Variants in DAZAP1 observed in about 807,000 individuals in gnomAD.
The protein encoded by DAZAP1 is DAZ associated protein 1.
In DAZAP1, 6 loss-of-function variants were observed where a neutral mutation model predicts 60.1. The ratio of observed to expected loss-of-function variants is 0.10; its 90% CI spans 0.05 to 0.20. DAZAP1 has a LOEUF of 0.20. DAZAP1 is among the 10% of genes least tolerant of loss of function. The pLI is 1.00. For synonymous variants in DAZAP1, 235 were observed against 215.9 expected (o/e 1.09, Z -0.78); for missense variants, 366 against 560.4 (o/e 0.65, Z 3.50).
Position 1,426,830 on chromosome 19 carries a change from C to G in DAZAP1, c.546+870C>G, listed in dbSNP as rs546115848. ...GCCGCCTCACATGCCCAGTGGGATT[C>G]TGACCCGGCCTCCTTGGTGCGGCAG... is the stretch of plus-strand genomic sequence containing the variant. On this transcript the variant is annotated intron_variant, in intron 7 of 11. Transcript: ENST00000233078. The surrounding 1 kb of genome is among the most constrained non-coding windows in gnomAD (Gnocchi z 5.4). 6.6e-6 allele frequency: 1 copy of G among 152,308 alleles called. No homozygotes were observed. The highest frequency in any genetic ancestry group is 1.9e-4 in the East Asian group (1 of 5,182). The allele number at this position is 152,308 out of a possible 1,614,324, so 9.4% of individuals were successfully genotyped here.
chr19:1,415,394 GTTTT>G (rs3837987), intron 1 of DAZAP1, among the ~76,000 whole-genome samples: 26 of 69,820 alleles, frequency 3.7e-4, no homozygotes, highest in African/African-American at 1.2e-3. Context: ...TGTGTGTTTT[GTTTT>G]TTTTTTTTTT....
chr19:1,430,270 C>CCCCCTGA lies in DAZAP1; in HGVS notation c.779_780insCCCCTGA (p.Phe262Ter). On this transcript the variant is annotated stop_gained and frameshift_variant, in exon 10 of 12. Coordinates refer to ENST00000233078, the MANE Select transcript of DAZAP1 (RefSeq NM_018959.4). LOFTEE classifies it high-confidence loss of function. The stretch of plus-strand genomic sequence containing the variant: ...GGAAGAGGAGCCCCCCCGCCACCCC[C>CCCCCTGA]ACCGTTCACCTCCTACATCGTGTCC... 7.3e-7 allele frequency: 1 copy of CCCCCTGA among 1,368,636 alleles called. No homozygotes were observed. The highest frequency in any genetic ancestry group is 1.0e-6 in the Non-Finnish European group (1 of 979,194). 84.8% of individuals were successfully genotyped at this position (1,368,636 alleles called of 1,614,324 possible). A position where few individuals can be genotyped will look rare whatever the true frequency, so the allele number is the denominator to read the frequency against.
At chr19:1,429,550 G>A (rs1045151166) in intron 8 of DAZAP1, among the ~76,000 whole-genome samples, 6 of 152,364 alleles carry the variant, frequency 3.9e-5, no homozygotes, top group South Asian at 4.1e-4. Flanking sequence ...CGTCGTCCGG[G>A]TCCCGAGACT....
intron 1 of DAZAP1, among the ~76,000 whole-genome samples, chr19:1,415,006 G>T (rs2082935199): frequency 6.6e-6 from 1 of 151,838 alleles, no homozygotes; most frequent in Non-Finnish European, 1.5e-5. Context: ...GCCCAGGCTG[G>T]TCTTGAACTC....
At chr19:1,414,289 A>G (rs931146973) in intron 1 of DAZAP1, among the ~76,000 whole-genome samples, 7 of 151,852 alleles carry the variant, frequency 4.6e-5, no homozygotes, top group Non-Finnish European at 7.4e-5. Context: ...AAGTGCTGGG[A>G]TTACAGGCGT....
At chr19:1,431,369 T>C (rs1306365535) in intron 10 of DAZAP1, among the ~76,000 whole-genome samples, 1 of 151,708 alleles carries the variant, frequency 6.6e-6, no homozygotes, top group Non-Finnish European at 1.5e-5. Flanking sequence ...GACCTCGTGA[T>C]TCGCCCGCCT....
In DAZAP1 at chr19:1,428,794, G is replaced by C. The variant is rs2083367168; in HGVS notation, c.547-48G>C. The C allele has an allele frequency of 6.2e-7, 1 of 1,609,812 alleles. No individual in the cohort carries two copies. Among genetic ancestry groups the C allele is most frequent in the African/African-American group, 1.3e-5 (1 of 74,822 alleles). On this transcript the variant is annotated intron_variant, in intron 7 of 11. Transcript: ENST00000233078. This position sits in a 1 kb window ranked among gnomAD's most constrained non-coding sequence, Gnocchi z 4.0. ...CGAGGGTGTGTCTAAAGGGAAGGGGGTGCTGGGACCCGCAGCCTCGCCCTA... is the reference window on the plus strand; with the variant it reads ...CGAGGGTGTGTCTAAAGGGAAGGGGCTGCTGGGACCCGCAGCCTCGCCCTA...
At chr19:1,430,465 C>A in intron 10 of DAZAP1, 103 bp downstream of exon 10, 1 of 1,136,984 alleles carries the variant, frequency 8.8e-7, no homozygotes, top group Non-Finnish European at 1.2e-6. Context: ...TGGCCTCAGC[C>A]ACAGGTGGGG....
intron 10 of DAZAP1, 135 bp downstream of exon 10, chr19:1,430,497 C>T: frequency 3.8e-6 from 3 of 782,462 alleles, no homozygotes; most frequent in Non-Finnish European, 5.7e-6. Context: ...CAGCAGGTCA[C>T]CTGCCACCAG....
At chr19:1,414,823 A>AT (rs567320989) in intron 1 of DAZAP1, among the ~76,000 whole-genome samples, 278 of 148,832 alleles carry the variant, frequency 1.9e-3, no homozygotes, top group East Asian at 7.5e-3. Flanking sequence ...AGTATTTTTT[A>AT]TTTTTTTTTT....
At position 1,411,696 on chromosome 19, in the gene DAZAP1, C is replaced by T. The variant is rs139646886; in HGVS notation, c.29+3894C>T. ...GCTGTGCTTGTAGCCTTGGCTCTAACCCTTGGCTTTGCCAGAGAGACTGAG... is the reference window on the plus strand; with the variant it reads ...GCTGTGCTTGTAGCCTTGGCTCTAATCCTTGGCTTTGCCAGAGAGACTGAG... On this transcript the variant is annotated intron_variant, in intron 1 of 11. Coordinates refer to ENST00000233078, the MANE Select transcript of DAZAP1 (RefSeq NM_018959.4). Among the ~76,000 whole-genome samples, 260 of 152,350 alleles carry T rather than the reference C, an allele frequency of 1.7e-3. 3 individuals are homozygous for T. The East Asian group carries it at 0.037, about 22-fold the overall frequency.
chr19:1,418,863 C>T lies in DAZAP1; in HGVS notation c.303+132C>T. 1.2e-6 allele frequency: 1 copy of T among 861,284 alleles called. No individual in the cohort carries two copies. The highest frequency in any genetic ancestry group is 2.8e-5 in the Admixed American group (1 of 35,166). The allele number at this position is 861,284 out of a possible 1,614,324, so 53.4% of individuals were successfully genotyped here. On this transcript the variant is annotated intron_variant, in intron 4 of 11. Transcript: ENST00000233078. The surrounding 1 kb of genome is among the most constrained non-coding windows in gnomAD (Gnocchi z 5.7). ...CAGGTCTTCTGGGTTGGCACTCGAGCAGCTGAGGATCACCCAGATTTATCA... is the reference window on the plus strand; with the variant it reads ...CAGGTCTTCTGGGTTGGCACTCGAGTAGCTGAGGATCACCCAGATTTATCA...
At chr19:1,417,990 C>T (rs866837565) in intron 2 of DAZAP1, among the ~76,000 whole-genome samples, 1 of 152,222 alleles carries the variant, frequency 6.6e-6, no homozygotes, top group South Asian at 2.1e-4. Flanking sequence ...CTGGCCACTG[C>T]TGTGCTCACT....
In DAZAP1 at chr19:1,421,269, C is replaced by T. The variant is rs1367233063; in HGVS notation, c.414+11C>T. 4.3e-6 allele frequency: 7 copies of T among 1,611,208 alleles called. No individual in the cohort carries two copies. Among genetic ancestry groups the T allele is most frequent in the Non-Finnish European group, 5.9e-6 (7 of 1,177,518 alleles). ...AAGAAGTTCGGAGTGGTGAGTTTCT[C>T]CCCACCCCGGCAGCACTGTGGGGAC... On this transcript the variant is annotated intron_variant, in intron 5 of 11. Transcript: ENST00000233078.
Position 1,428,760 on chromosome 19 carries a change from T to TA in DAZAP1, c.547-80dup, listed in dbSNP as rs2083366034. On this transcript the variant is annotated intron_variant, in intron 7 of 11. Coordinates refer to ENST00000233078, the MANE Select transcript of DAZAP1 (RefSeq NM_018959.4). This position sits in a 1 kb window ranked among gnomAD's most constrained non-coding sequence, Gnocchi z 4.0. ...AGTTGTAAGATGCTAAGTGTAGTCA[T>TA]AAGTTACCCGAGGGTGTGTCTAAAG... 3.2e-6 allele frequency: 5 copies of TA among 1,538,912 alleles called. No homozygotes were observed. Among genetic ancestry groups the TA allele is most frequent in the Admixed American group, 1.8e-5 (1 of 54,244 alleles).
chr19:1,407,853 G>A, intron 1 of DAZAP1, 51 bp downstream of exon 1: 1 of 1,053,372 alleles, frequency 9.5e-7, no homozygotes, highest in Non-Finnish European at 1.1e-6. Flanking sequence ...CCGGCCCGCC[G>A]CTCCCCGCCG....
At chr19:1,417,144 C>A in intron 1 of DAZAP1, 1 of 295,708 alleles carries the variant, frequency 3.4e-6, no homozygotes, top group Non-Finnish European at 6.4e-6. Context: ...ATAAAATACT[C>A]GCAAAAGCTG....
chr19:1,432,490 C>T lies in DAZAP1; in HGVS notation c.872-24C>T, dbSNP rs920037066. On this transcript the variant is annotated intron_variant, in intron 10 of 11. Coordinates refer to ENST00000233078, the MANE Select transcript of DAZAP1 (RefSeq NM_018959.4). The surrounding 1 kb of genome is among the most constrained non-coding windows in gnomAD (Gnocchi z 4.9). The stretch of plus-strand genomic sequence containing the variant: ...CCCCAGCTGCACAACGTGTCTTGTG[C>T]CTTGCCCTCTTGTACCTCTGCAGGT... 1 of 1,613,134 alleles carries T rather than the reference C, an allele frequency of 6.2e-7. No homozygotes were observed.
Position 1,418,675 on chromosome 19 carries a change from A to G in DAZAP1, c.247A>G (p.Lys83Glu), listed in dbSNP as rs1193479653. The change falls in exon 4 of 12, where the codon AAG (lysine) becomes GAG (glutamate). Residue 83 changes from lysine (K) to glutamate (E), a missense_variant. By Grantham distance (56) the Lys-to-Glu change is moderately conservative. Coordinates refer to ENST00000233078, the MANE Select transcript of DAZAP1 (RefSeq NM_018959.4). This position sits in a 1 kb window ranked among gnomAD's most constrained non-coding sequence, Gnocchi z 5.7. The stretch of plus-strand genomic sequence containing the variant: ...TTGAAATTTCCTGCAGATCGACCCC[A>G]AGCCATGCACACCCCGGGGGATGCA... Reference protein sequence around the residue: ...HTLDGRNIDPKPCTPRGMQPE... With the variant: ...HTLDGRNIDPEPCTPRGMQPE... The G allele has an allele frequency of 6.2e-7, 1 of 1,613,926 alleles. No homozygotes were observed. The highest frequency in any genetic ancestry group is 1.3e-5 in the African/African-American group (1 of 74,892).
Sources: gnomAD v4.1 joint callset for allele counts (sites outside exome capture counted in the v4.1 genomes callset) on GRCh38, gnomAD v4.1.1 for gene constraint, Gnocchi (gnomAD v3.1) non-coding constraint, MANE v1.5 for transcripts, NCBI Gene and HGNC (gene_info 2026-07-23, HGNC 2026-07-21) for gene names.